The following KIR3DL2 variants were observed in gnomAD, a reference collection of about 807,000 sequenced individuals.
KIR3DL2 encodes killer cell immunoglobulin like receptor, three Ig domains and long cytoplasmic tail 2.
KIR3DL2 carries 42 observed loss-of-function variants against 41.6 expected under a neutral mutation model. The observed-to-expected ratio is 1.01, with a 90% CI of 0.79 to 1.31. The LOEUF is 1.31. Among genes scored for constraint, KIR3DL2 ranks in the 50% most tolerant of loss-of-function variants. KIR3DL2 has a pLI of 0.00. For missense variants in KIR3DL2, 728 were observed against 576.8 expected (o/e 1.26, Z -2.68); for synonymous variants, 230 against 221.3 (o/e 1.04, Z -0.35).
At position 54,855,956 on chromosome 19, in the gene KIR3DL2, C is replaced by A. The variant is rs1601766148; in HGVS notation, c.949+44C>A. 1.7e-5 allele frequency: 28 copies of A among 1,602,108 alleles called. 2 individuals are homozygous for A. Among genetic ancestry groups the A allele is most frequent in the African/African-American group, 1.4e-4 (10 of 73,784 alleles). On this transcript the variant is annotated intron_variant, in intron 5 of 8. Transcript: ENST00000326321. ...TGTCCCATGTCTTATGATCCTAGAG[C>A]CATAGCTGAGGAGCTTCCTGCCGAT...
intron 6 of KIR3DL2, among the ~76,000 whole-genome samples, chr19:54,865,121 G>A (rs1167695153): frequency 2.6e-5 from 4 of 151,826 alleles, no homozygotes; most frequent in South Asian, 2.1e-4. Flanking sequence ...ATAGTCGTCC[G>A]GTTTTTGTCT....
chr19:54,861,086 G>A (rs1357848727), intron 6 of KIR3DL2, among the ~76,000 whole-genome samples: 3 of 148,310 alleles, frequency 2.0e-5, no homozygotes, highest in Admixed American at 1.4e-4. Context: ...CTGGAATCTA[G>A]GAGACCGTGG....
chr19:54,861,718 C>A (rs1452244424), intron 6 of KIR3DL2, among the ~76,000 whole-genome samples: 2 of 151,256 alleles, frequency 1.3e-5, no homozygotes, highest in Non-Finnish European at 2.9e-5. Context: ...GAATTCCAAT[C>A]ATCATTTTTC....
intron 3 of KIR3DL2, among the ~76,000 whole-genome samples, chr19:54,853,433 G>T (rs1451360221): frequency 2.6e-5 from 4 of 151,816 alleles, no homozygotes; most frequent in Admixed American, 1.3e-4. Flanking sequence ...GCCTGGACAT[G>T]CAGCCTGTCC....
rs374822424 is a variant in KIR3DL2, at chr19:54,866,557, C to T, written c.1194C>T (p.Tyr398=). 52 of 1,613,870 alleles carry T rather than the reference C, an allele frequency of 3.2e-5. 1 individual carries two copies. Among genetic ancestry groups the T allele is most frequent in the Middle Eastern group, 1.6e-4 (1 of 6,084 alleles). The change falls in exon 9 of 9, where the codon TAC becomes TAT. Residue 398 remains tyrosine, a synonymous_variant. Coordinates refer to ENST00000326321, the MANE Select transcript of KIR3DL2 (RefSeq NM_006737.4). Reference sequence around the variant, plus strand: ...AACAAGACCCTCAGGAGGTGACGTACGCACAGTTGGATCACTGCGTTTTCA... The same window carrying T: ...AACAAGACCCTCAGGAGGTGACGTATGCACAGTTGGATCACTGCGTTTTCA... The part of the protein sequence containing the change: ...SDEQDPQEVT[Y]AQLDHCVFIQ...
At position 54,865,813 on chromosome 19, in the gene KIR3DL2, A is replaced by T. The variant is rs1279109046; in HGVS notation, c.1009A>T (p.Arg337Ter). ...TEPSSKSGICRHLHVLIGTSV... is the reference protein window; with the variant it reads ...TEPSSKSGIC ...TTCCCATCTTCCTCCAGGTATCTGC[A>T]GACACCTGCATGTTCTGATTGGGAC... The change falls in exon 7 of 9, where the codon AGA becomes TGA. Residue 337 changes from arginine to a stop codon, truncating the protein, a stop_gained. Transcript: ENST00000326321. LOFTEE classifies it high-confidence loss of function. 1.9e-6 allele frequency: 3 copies of T among 1,612,626 alleles called. No homozygotes were observed. The highest frequency in any genetic ancestry group is 2.5e-6 in the Non-Finnish European group (3 of 1,178,800).
At chr19:54,866,447 A>G (rs924955302) in intron 8 of KIR3DL2, 25 bp downstream of exon 8, 7 of 1,613,882 alleles carry the variant, frequency 4.3e-6, no homozygotes, top group Non-Finnish European at 5.1e-6. Context: ...GCCCAGCCTC[A>G]CGGATACAGT....
intron 5 of KIR3DL2, among the ~76,000 whole-genome samples, chr19:54,857,251 G>A (rs2064856591): frequency 6.6e-6 from 1 of 151,282 alleles, no homozygotes; most frequent in Non-Finnish European, 1.5e-5. Context: ...CACCATGCCT[G>A]ACTAATTCTT....
Position 54,852,048 on chromosome 19 carries a change from C to G in KIR3DL2, c.121C>G (p.Arg41Gly), listed in dbSNP as rs998219100. The change falls in exon 3 of 9, where the codon CGA (arginine) becomes GGA (glycine). Residue 41 changes from arginine to glycine, a missense_variant. Arg to Gly is a moderately radical substitution (Grantham distance 125, BLOSUM62 -2). Coordinates refer to ENST00000326321, the MANE Select transcript of KIR3DL2 (RefSeq NM_006737.4). ...LSARPSTVVP[R>G]GGHVALQCHY... Reference sequence around the variant, plus strand: ...TGCCCGGCCCAGCACTGTGGTGCCTCGAGGAGGACACGTGGCTCTTCAGTG... The same window carrying G: ...TGCCCGGCCCAGCACTGTGGTGCCTGGAGGAGGACACGTGGCTCTTCAGTG... 6 of 1,611,964 alleles carry G rather than the reference C, an allele frequency of 3.7e-6. No individual in the cohort carries two copies. The African/African-American group carries it at 5.4e-5, about 14-fold the overall frequency.
At chr19:54,854,316 C>T (rs1316007959) in intron 4 of KIR3DL2, among the ~76,000 whole-genome samples, 1 of 151,696 alleles carries the variant, frequency 6.6e-6, no homozygotes, top group Non-Finnish European at 1.5e-5. Context: ...AGACATGTGC[C>T]AGAGAGAAGT....
chr19:54,866,750 T>G lies in KIR3DL2; in HGVS notation c.*19T>G, dbSNP rs768446301. The G allele has an allele frequency of 5.0e-6, 8 of 1,611,868 alleles. No homozygotes were observed. In the South Asian group the frequency reaches 8.8e-5, roughly 18 times the overall value. Reference sequence around the variant, plus strand: ...TTTCTAGGGAGACAACAGCCCTGTCTCAAAACCAGGTTGCCAGATCCAATG... The same window carrying G: ...TTTCTAGGGAGACAACAGCCCTGTCGCAAAACCAGGTTGCCAGATCCAATG... On this transcript the variant is annotated 3_prime_UTR_variant, in exon 9 of 9. Coordinates refer to ENST00000326321, the MANE Select transcript of KIR3DL2 (RefSeq NM_006737.4).
chr19:54,852,208 G>C lies in KIR3DL2; in HGVS notation c.281G>C (p.Arg94Thr), dbSNP rs372086523. 6.6e-5 allele frequency: 106 copies of C among 1,611,898 alleles called. 3 individuals carry two copies. In the African/African-American group the frequency reaches 8.5e-4, roughly 13 times the overall value. ...ACCCCAGCACATGCAGGGACCTACAGATGTCGGGGTTCACGCCCACACTCC... is the reference window on the plus strand; with the variant it reads ...ACCCCAGCACATGCAGGGACCTACACATGTCGGGGTTCACGCCCACACTCC... ...PVTPAHAGTYRCRGSRPHSLT... is the reference protein window; with the variant it reads ...PVTPAHAGTYTCRGSRPHSLT... Residue 94 changes from arginine (R) to threonine (T), a missense_variant, in exon 3 of 9, where the codon AGA becomes ACA. Coordinates refer to ENST00000326321, the MANE Select transcript of KIR3DL2 (RefSeq NM_006737.4).
Position 54,857,697 on chromosome 19 carries a change from A to G in KIR3DL2, c.950-1382A>G, listed in dbSNP as rs1017686458. ...CTCCAAAGTAGCTGGGATTACAGGC[A>G]TGTGCCACCACGCCTAGCTAATTTT... is the stretch of plus-strand genomic sequence containing the variant. On this transcript the variant is annotated intron_variant, in intron 5 of 8. Transcript: ENST00000326321. 9.1e-3 allele frequency among the ~76,000 whole-genome samples: 1,347 copies of G among 147,448 alleles called. 17 individuals carry two copies. The highest frequency in any genetic ancestry group is 0.014 in the Non-Finnish European group (939 of 66,114).
intron 6 of KIR3DL2, among the ~76,000 whole-genome samples, chr19:54,864,623 T>G (rs2065384490): frequency 2.0e-5 from 3 of 152,142 alleles, no homozygotes; most frequent in Non-Finnish European, 4.4e-5. Flanking sequence ...GAAGCAATTG[T>G]GAATGGGAGT....
intron 5 of KIR3DL2, among the ~76,000 whole-genome samples, chr19:54,858,083 C>T (rs2064922759): frequency 1.3e-5 from 2 of 151,602 alleles, no homozygotes; most frequent in African/African-American, 4.9e-5. Flanking sequence ...CAAATATTTG[C>T]TCCTATTTTG....
chr19:54,865,787 A>C lies in KIR3DL2; in HGVS notation c.1001-18A>C. ...ACTGCTATGATTAGCTTCTTATTGGATTCCCATCTTCCTCCAGGTATCTGC... is the reference window on the plus strand; with the variant it reads ...ACTGCTATGATTAGCTTCTTATTGGCTTCCCATCTTCCTCCAGGTATCTGC... On this transcript the variant is annotated intron_variant, in intron 6 of 8. Coordinates refer to ENST00000326321, the MANE Select transcript of KIR3DL2 (RefSeq NM_006737.4). 2 of 1,530,408 alleles carry C rather than the reference A, an allele frequency of 1.3e-6. No individual in the cohort carries two copies. The highest frequency in any genetic ancestry group is 1.8e-6 in the Non-Finnish European group (2 of 1,109,190). 94.8% of individuals were successfully genotyped at this position (1,530,408 alleles called of 1,614,324 possible).
At chr19:54,863,022 C>T (rs1216150750) in intron 6 of KIR3DL2, among the ~76,000 whole-genome samples, 20 of 90,190 alleles carry the variant, frequency 2.2e-4, no homozygotes, top group Non-Finnish European at 3.6e-4. Context: ...CACCCCACAA[C>T]AGTCCCCAGA....
At chr19:54,857,291 ATTTTGG>A (rs1569523714) in intron 5 of KIR3DL2, among the ~76,000 whole-genome samples, 1 of 151,266 alleles carries the variant, frequency 6.6e-6, no homozygotes, top group East Asian at 1.9e-4. Flanking sequence ...GGATATCCCA[ATTTTGG>A]GCAGGCTGCT....
Position 54,855,154 on chromosome 19 carries a change from G to A in KIR3DL2, c.656-465G>A, listed in dbSNP as rs2064638304. Among the ~76,000 whole-genome samples the A allele has an allele frequency of 1.3e-5, 2 of 151,068 alleles. 1 individual carries two copies. The highest frequency in any genetic ancestry group is 4.9e-5 in the African/African-American group (2 of 40,792). The stretch of plus-strand genomic sequence containing the variant: ...CAGAGAGGTAATAGAGAGAGAGAGA[G>A]ATGATACATAGATACAGATAATACA... On this transcript the variant is annotated intron_variant, in intron 4 of 8. Transcript: ENST00000326321.
Sources: gnomAD v4.1 joint callset for allele counts (sites outside exome capture counted in the v4.1 genomes callset) on GRCh38, gnomAD v4.1.1 for gene constraint, MANE v1.5 for transcripts, NCBI Gene and HGNC (gene_info 2026-07-23, HGNC 2026-07-21) for gene names.